PDS5B: variants seen among roughly 807,000 people sequenced by gnomAD.
PDS5B encodes the protein sister chromatid cohesion protein PDS5 homolog B.
PDS5B carries 51 observed loss-of-function variants against 184.1 expected under a neutral mutation model. The ratio of observed to expected loss-of-function variants is 0.28; its 90% CI spans 0.22 to 0.35. The LOEUF (loss-of-function observed/expected upper bound fraction) is 0.35. Among genes scored for constraint, PDS5B ranks in the 10% least tolerant of loss-of-function variants. The pLI is 1.00. For missense variants in PDS5B, 1,180 were observed against 1,723.3 expected, an observed-to-expected ratio of 0.68 and a Z score of 5.58; for synonymous variants, 566 against 569.2, an observed-to-expected ratio of 0.99 and a Z score of 0.08.
chr13:32,673,713 T>C (rs925810583), intron 8 of PDS5B, among the ~76,000 whole-genome samples: 4 of 152,348 alleles, frequency 2.6e-5, no homozygotes, highest in Non-Finnish European at 5.9e-5. Flanking sequence ...AAAAATAGTT[T>C]AGAGTTTTTT....
chr13:32,642,267 G>T (rs1476661310), intron 1 of PDS5B, among the ~76,000 whole-genome samples: 1 of 152,070 alleles, frequency 6.6e-6, no homozygotes, highest in Non-Finnish European at 1.5e-5. Context: ...TATTTCCTGA[G>T]TGCCTACTAC....
Position 32,769,816 on chromosome 13 carries a change from C to A in PDS5B, c.3625-305C>A, listed in dbSNP as rs181459964. 4.6e-4 allele frequency among the ~76,000 whole-genome samples: 70 copies of A among 152,226 alleles called. No homozygotes were observed. In the East Asian group the frequency reaches 9.8e-3, roughly 21 times the overall value. Reference sequence around the variant, plus strand: ...GACCAAGCACTGAATTTATAATGCTCTTTTTAATGAGATAGCTCTTCACTA... The same window carrying A: ...GACCAAGCACTGAATTTATAATGCTATTTTTAATGAGATAGCTCTTCACTA... On this transcript the variant is annotated intron_variant, in intron 31 of 34. Coordinates refer to ENST00000315596, the MANE Select transcript of PDS5B (RefSeq NM_015032.4).
At chr13:32,706,578 G>T (rs1047498520) in intron 17 of PDS5B, among the ~76,000 whole-genome samples, 1 of 151,950 alleles carries the variant, frequency 6.6e-6, no homozygotes, top group African/African-American at 2.4e-5. Flanking sequence ...TGTGTATATT[G>T]TTCTACTTAC....
intron 28 of PDS5B, 91 bp from the exon 29 acceptor site, chr13:32,759,537 A>T (rs765776220): frequency 3.6e-6 from 2 of 549,296 alleles, no homozygotes; most frequent in Non-Finnish European, 6.3e-6. Context: ...TAGTTTAAAT[A>T]AAAAAACTGC....
chr13:32,759,477 T>C, intron 28 of PDS5B, 151 bp from the exon 29 acceptor site: 1 of 463,886 alleles, frequency 2.2e-6, no homozygotes, highest in Non-Finnish European at 3.8e-6. Context: ...TTTAACCTTA[T>C]TACAGTAGTT....
intron 19 of PDS5B, among the ~76,000 whole-genome samples, chr13:32,718,442 G>A (rs1216120219): frequency 6.6e-6 from 1 of 152,158 alleles, no homozygotes. Flanking sequence ...GAGCCACCAC[G>A]CCTGGCCAAA....
intron 24 of PDS5B, among the ~76,000 whole-genome samples, chr13:32,746,593 T>C (rs1953750663): frequency 6.6e-6 from 1 of 152,222 alleles, no homozygotes; most frequent in African/African-American, 2.4e-5. Context: ...CTTCTTGTGC[T>C]TTGGAACGCC....
chr13:32,759,824 C>A (rs187348660), intron 29 of PDS5B, 134 bp downstream of exon 29: 14 of 522,628 alleles, frequency 2.7e-5, no homozygotes, highest in Middle Eastern at 9.5e-4. Flanking sequence ...AACGATCTTA[C>A]ATTTACTAGT....
chr13:32,675,147 G>T (rs1165052537), intron 8 of PDS5B, among the ~76,000 whole-genome samples: 1 of 152,048 alleles, frequency 6.6e-6, no homozygotes, highest in African/African-American at 2.4e-5. Flanking sequence ...TTGAATATCA[G>T]TGCCTTTTGA....
intron 10 of PDS5B, among the ~76,000 whole-genome samples, chr13:32,681,893 T>C (rs1425709417): frequency 6.6e-6 from 1 of 152,060 alleles, no homozygotes; most frequent in African/African-American, 2.4e-5. Context: ...AACAATCCAC[T>C]TAAAAAGTTA....
intron 20 of PDS5B, among the ~76,000 whole-genome samples, chr13:32,733,966 T>A (rs1461568959): frequency 7.7e-6 from 1 of 129,744 alleles, no homozygotes; most frequent in African/African-American, 4.0e-5. Context: ...TTAGTCACCC[T>A]TCTGATTTCA....
chr13:32,710,968 CA>C (rs1952185183), intron 19 of PDS5B, among the ~76,000 whole-genome samples: 1 of 151,964 alleles, frequency 6.6e-6, no homozygotes, highest in Admixed American at 6.6e-5. Context: ...ATAAATAGAA[CA>C]AAGGCATTAT....
chr13:32,744,740 T>C, intron 23 of PDS5B, among the ~76,000 whole-genome samples: 1 of 152,196 alleles, frequency 6.6e-6, no homozygotes, highest in East Asian at 1.9e-4. Context: ...GTTGATGGGA[T>C]GAGACACACC....
intron 17 of PDS5B, among the ~76,000 whole-genome samples, chr13:32,703,801 C>A (rs536290850): frequency 9.2e-5 from 14 of 152,074 alleles, no homozygotes; most frequent in Non-Finnish European, 2.1e-4. Context: ...AAGAGATGTA[C>A]CCTTTAAAAA....
Position 32,735,425 on chromosome 13 carries a change from C to T in PDS5B, c.2406+95C>T, listed in dbSNP as rs970411232. ...AAGTGAAATGATATCAATAATACTT[C>T]CATTTGACTGCCTTGATTTTAGGTT... On this transcript the variant is annotated intron_variant, in intron 21 of 34. Transcript: ENST00000315596. The T allele has an allele frequency of 3.9e-5, 31 of 801,780 alleles. 1 individual carries two copies. Among genetic ancestry groups the T allele is most frequent in the Non-Finnish European group, 5.6e-5 (30 of 531,108 alleles). 49.7% of individuals were successfully genotyped at this position (801,780 alleles called of 1,614,324 possible).
At chr13:32,718,207 G>C (rs1191326065) in intron 19 of PDS5B, among the ~76,000 whole-genome samples, 1 of 151,630 alleles carries the variant, frequency 6.6e-6, no homozygotes, top group East Asian at 1.9e-4. Context: ...CTGGAGGGCA[G>C]TGGCATGATC....
chr13:32,700,850 A>G (rs1268206585), intron 16 of PDS5B: 1 of 154,100 alleles, frequency 6.5e-6, no homozygotes, highest in Non-Finnish European at 1.4e-5. Flanking sequence ...ACCTTCTGAA[A>G]TGCTTTTTAG....
chr13:32,603,790 G>A (rs527917263), intron 1 of PDS5B, among the ~76,000 whole-genome samples: 1 of 152,240 alleles, frequency 6.6e-6, no homozygotes, highest in African/African-American at 2.4e-5. Flanking sequence ...TCTTTGAAGA[G>A]GTCCTTCTCA....
At chr13:32,693,301 C>A (rs1353956144) in intron 13 of PDS5B, among the ~76,000 whole-genome samples, 3 of 151,800 alleles carry the variant, frequency 2.0e-5, no homozygotes, top group Admixed American at 2.0e-4. Context: ...AATAATGTTG[C>A]TTTTGCCAGT....
Sources: allele counts gnomAD v4.1 joint callset (sites outside exome capture counted in the v4.1 genomes callset), GRCh38; gene constraint gnomAD v4.1.1; transcripts MANE v1.5; gene names NCBI Gene and HGNC (gene_info 2026-07-23, HGNC 2026-07-21).